PCDHA2: variants seen among roughly 807,000 people sequenced by gnomAD.
The protein encoded by PCDHA2 is protocadherin alpha 2.
PCDHA2 carries 58 observed loss-of-function variants against 66.0 expected under a neutral mutation model. The ratio of observed to expected loss-of-function variants is 0.88; its 90% confidence interval spans 0.71 to 1.09. The LOEUF is 1.09. Ranked by LOEUF, PCDHA2 falls within the 50% of genes least tolerant of loss-of-function variation. The pLI is 0.00. For missense variants in PCDHA2, 1,267 were observed against 1,242.3 expected, an observed-to-expected ratio of 1.02 and a Z score of -0.30; for synonymous variants, 634 against 554.0, an observed-to-expected ratio of 1.14 and a Z score of -2.03.
At chr5:140,867,366 T>C (rs1478062885) in intron 1 of PCDHA2, 2 of 152,156 alleles carry the variant, frequency 1.3e-5, no homozygotes, top group African/African-American at 4.8e-5. Flanking sequence ...ATTTTACAGA[T>C]GCGTAATGGA....
chr5:140,848,486 A>G lies in PCDHA2; in HGVS notation c.2388+51134A>G. On this transcript the variant is annotated intron_variant, in intron 1 of 3. Transcript: ENST00000526136. Reference sequence around the variant, plus strand: ...ATTTTCACTAATTAGAAGAAGACTGAGTATTTGAAATGTTATACTCAAGTC... The same window carrying G: ...ATTTTCACTAATTAGAAGAAGACTGGGTATTTGAAATGTTATACTCAAGTC... 1.3e-6 allele frequency: 2 copies of G among 1,572,848 alleles called. 1 individual carries two copies.
chr5:140,855,192 C>T (rs2150331288), intron 1 of PCDHA2, among the ~76,000 whole-genome samples: 1 of 149,878 alleles, frequency 6.7e-6, no homozygotes, highest in South Asian at 2.1e-4. Context: ...AAATTGAGGC[C>T]TGAGAATAGT....
Position 140,857,860 on chromosome 5 carries a change from G to A in PCDHA2, c.2388+60508G>A, listed in dbSNP as rs532607436. On this transcript the variant is annotated intron_variant, in intron 1 of 3. Transcript: ENST00000526136. ...TGGACGCTGACTCTGGATACAACGC[G>A]TGGCTGTCGTATGAATTGCAGTCGG... 1.9e-6 allele frequency: 3 copies of A among 1,597,882 alleles called. 1 individual carries two copies. Among genetic ancestry groups the A allele is most frequent in the South Asian group, 1.1e-5 (1 of 90,496 alleles).
intron 1 of PCDHA2, among the ~76,000 whole-genome samples, chr5:140,819,185 T>G (rs1365698503): frequency 1.3e-5 from 2 of 152,188 alleles, no homozygotes; most frequent in South Asian, 4.1e-4. Context: ...AAATGACATA[T>G]GTGCATAAAT....
intron 1 of PCDHA2, among the ~76,000 whole-genome samples, chr5:140,941,034 G>A (rs1384147296): frequency 6.6e-6 from 1 of 151,968 alleles, no homozygotes; most frequent in Non-Finnish European, 1.5e-5. Context: ...GGCCTTTTTG[G>A]TGCCAAGTCA....
intron 1 of PCDHA2, 159 bp from the exon 2 acceptor site, chr5:140,978,790 T>C (rs2096823347): frequency 3.1e-6 from 3 of 975,976 alleles, no homozygotes; most frequent in Non-Finnish European, 3.7e-6. Flanking sequence ...TAAAGTGCTA[T>C]ATATGTAGAT....
intron 1 of PCDHA2, among the ~76,000 whole-genome samples, chr5:140,933,345 A>G (rs1257404732): frequency 6.6e-6 from 1 of 151,960 alleles, no homozygotes; most frequent in Non-Finnish European, 1.5e-5. Flanking sequence ...AAAGATAAAC[A>G]CTTTATTTCT....
intron 1 of PCDHA2, chr5:140,835,435 C>G (rs782068094): frequency 6.2e-7 from 1 of 1,613,788 alleles, no homozygotes; most frequent in Non-Finnish European, 8.5e-7. Context: ...CCACAGTTGA[C>G]TCTCACTTCC....
At position 140,910,081 on chromosome 5, in the gene PCDHA2, A is replaced by G. The variant is rs183187398; in HGVS notation, c.2389-68868A>G. 2.8e-3 allele frequency among the ~76,000 whole-genome samples: 421 copies of G among 152,330 alleles called. 2 individuals are homozygous for G. Among genetic ancestry groups the G allele is most frequent in the Middle Eastern group, 0.014 (4 of 294 alleles). On this transcript the variant is annotated intron_variant, in intron 1 of 3. Coordinates refer to ENST00000526136, the MANE Select transcript of PCDHA2 (RefSeq NM_018905.3). Reference sequence around the variant, plus strand: ...CTTTTAACAGCGTAAATTGTTGTCAAGGGGAACCAGCCTCCCCTTCATTTA... The same window carrying G: ...CTTTTAACAGCGTAAATTGTTGTCAGGGGGAACCAGCCTCCCCTTCATTTA...
rs1554119206 is a variant in PCDHA2 at position 140,794,956 on chromosome 5, G to A, written c.-9G>A. On this transcript the variant is annotated 5_prime_UTR_variant, in exon 1 of 4. Coordinates refer to ENST00000526136, the MANE Select transcript of PCDHA2 (RefSeq NM_018905.3). ...TCTTCTAATTTGATCAAAACATTGA[G>A]GATTGGTAATGGCGTCTTCTATCAG... is the stretch of plus-strand genomic sequence containing the variant. 6.2e-7 allele frequency: 1 copy of A among 1,600,106 alleles called. No individual in the cohort carries two copies. The highest frequency in any genetic ancestry group is 8.5e-7 in the Non-Finnish European group (1 of 1,174,072).
chr5:140,857,164 C>A (rs782269515), intron 1 of PCDHA2: 3 of 1,598,230 alleles, frequency 1.9e-6, no homozygotes, highest in South Asian at 1.1e-5. Context: ...CCCTAATCAG[C>A]GTTTCTGACC....
intron 1 of PCDHA2, chr5:140,861,112 C>T (rs1554154163): frequency 2.0e-5 from 3 of 152,522 alleles, no homozygotes; most frequent in Admixed American, 6.5e-5. Flanking sequence ...TTAAAAACTA[C>T]AAACACCCAT....
At chr5:140,884,175 C>T in intron 1 of PCDHA2, 1 of 1,613,438 alleles carries the variant, frequency 6.2e-7, no homozygotes, top group Non-Finnish European at 8.5e-7. Context: ...ACGACGCGCC[C>T]TCTGGACGAG....
At chr5:140,941,191 T>TTTCTTTCTTTC (rs1487503403) in intron 1 of PCDHA2, among the ~76,000 whole-genome samples, 64 of 93,246 alleles carry the variant, frequency 6.9e-4, no homozygotes, top group South Asian at 4.2e-3. Context: ...GCTTCTTTTT[T>TTTCTTTCTTTC]TTTCTTTCTT....
chr5:140,945,124 C>T (rs269553), intron 1 of PCDHA2, among the ~76,000 whole-genome samples: 48,193 of 151,846 alleles, frequency 0.32, 7,977 homozygotes, highest in East Asian at 0.53. Flanking sequence ...AAAAAATCAA[C>T]TTACAAAAAT....
At chr5:140,804,834 T>C (rs1023303895) in intron 1 of PCDHA2, 7 of 415,932 alleles carry the variant, frequency 1.7e-5, no homozygotes, top group Non-Finnish European at 3.0e-5. Flanking sequence ...TAATACTCAT[T>C]GACAGTGTGG....
intron 1 of PCDHA2, chr5:140,828,253 G>A: frequency 6.2e-7 from 1 of 1,613,994 alleles, no homozygotes. Context: ...ACCTGGGGCT[G>A]GAGCTGGCGG....
intron 1 of PCDHA2, chr5:140,870,622 G>A (rs377101052): frequency 6.2e-7 from 1 of 1,613,120 alleles, no homozygotes; most frequent in Admixed American, 1.7e-5. Flanking sequence ...GTCGAGCTAC[G>A]TGTCGGTGCA....
intron 1 of PCDHA2, chr5:140,868,353 A>T (rs1303376076): frequency 6.6e-6 from 1 of 152,174 alleles, no homozygotes; most frequent in Non-Finnish European, 1.5e-5. Flanking sequence ...ATCAGAAAGC[A>T]ATTAAATGTA....
Sources: allele counts gnomAD v4.1 joint callset (sites outside exome capture counted in the v4.1 genomes callset), GRCh38; gene constraint gnomAD v4.1.1; transcripts MANE v1.5; gene names NCBI Gene and HGNC (gene_info 2026-07-23, HGNC 2026-07-21).